The following TDRD12 variants were observed in gnomAD, a reference collection of about 807,000 sequenced individuals.
TDRD12 encodes the protein putative ATP-dependent RNA helicase TDRD12.
A neutral mutation model predicts 133.5 loss-of-function variants in TDRD12; 158 were observed. The observed-to-expected ratio is 1.18, with a 90% CI of 1.04 to 1.35. The LOEUF (loss-of-function observed/expected upper bound fraction) is 1.35. Ranked by LOEUF, TDRD12 falls within the 40% of genes most tolerant of loss-of-function variation. The pLI is 0.00. For missense variants in TDRD12, 1,443 were observed against 1,321.3 expected (o/e 1.09, Z -1.43); for synonymous variants, 460 against 477.9 (o/e 0.96, Z 0.49).
Position 32,724,355 on chromosome 19 carries a change from G to GTT in TDRD12, c.24+4265_24+4266dup, listed in dbSNP as rs140313430. Among the ~76,000 whole-genome samples the GTT allele has an allele frequency of 6.9e-3, 1,042 of 152,108 alleles. 7 individuals carry two copies. Among genetic ancestry groups the GTT allele is most frequent in the South Asian group, 0.018 (89 of 4,812 alleles). ...TAGTTATTAAGCCCCGCATGTATTA[G>GTT]TTTTTTTATCCTGATACTCTCCCTC... On this transcript the variant is annotated intron_variant, in intron 1 of 27. Transcript: ENST00000444215.
intron 11 of TDRD12, among the ~76,000 whole-genome samples, chr19:32,781,803 A>G (rs571926516): frequency 6.6e-6 from 1 of 151,414 alleles, no homozygotes; most frequent in East Asian, 1.9e-4. Context: ...CTTGTCATTC[A>G]GTGGACACTT....
intron 6 of TDRD12, among the ~76,000 whole-genome samples, chr19:32,754,390 GC>G (rs1969927538): frequency 6.6e-6 from 1 of 152,074 alleles, no homozygotes. Flanking sequence ...GATCACTTGT[GC>G]CTGGGAGGCA....
chr19:32,731,375 C>T lies in TDRD12; in HGVS notation c.25-350C>T, dbSNP rs139545237. On this transcript the variant is annotated intron_variant, in intron 1 of 27. Coordinates refer to ENST00000444215, the Ensembl canonical transcript of TDRD12. ...TTTGAGACTAGCCTGGGCAAAATAG[C>T]GAGACACCATCTCTATTTTTTTTTT... is the stretch of plus-strand genomic sequence containing the variant. Among the ~76,000 whole-genome samples the T allele has an allele frequency of 1.4e-4, 21 of 151,870 alleles. 1 individual carries two copies. In the East Asian group the frequency reaches 2.7e-3, roughly 20 times the overall value.
intron 25 of TDRD12, among the ~76,000 whole-genome samples, chr19:32,814,860 A>G (rs1004309767): frequency 2.0e-5 from 3 of 152,166 alleles, no homozygotes; most frequent in African/African-American, 7.2e-5. Flanking sequence ...CAGCCAGGGC[A>G]GGCCTGGAGC....
intron 27 of TDRD12, among the ~76,000 whole-genome samples, chr19:32,820,185 C>G (rs1242560936): frequency 6.6e-6 from 1 of 152,108 alleles, no homozygotes; most frequent in African/African-American, 2.4e-5. Context: ...CTTCTGGGCC[C>G]CTCAGAAGAC....
rs755652043 is a variant in TDRD12, at chr19:32,737,227, A to G, written c.184-1629A>G. Among the ~76,000 whole-genome samples, 153 of 152,286 alleles carry G rather than the reference A, an allele frequency of 1.0e-3. 3 individuals are homozygous for G. The highest frequency in any genetic ancestry group is 1.0e-4 in the Non-Finnish European group (7 of 68,024). On this transcript the variant is annotated intron_variant, in intron 2 of 27. Coordinates refer to ENST00000444215, the Ensembl canonical transcript of TDRD12. ...AGGCAGTTTATTGATTGATTGAGAC[A>G]AACTCTCATTCTGTCGCCCAGGCTG...
exon 24 of TDRD12, chr19:32,811,309 G>T: frequency 6.5e-7 from 1 of 1,536,056 alleles, no homozygotes; most frequent in Non-Finnish European, 8.7e-7. Context: ...TCGTCACAAG[G>T]GACCAGCTGC....
At chr19:32,786,651 T>G (rs999960827) in intron 11 of TDRD12, among the ~76,000 whole-genome samples, 1 of 152,200 alleles carries the variant, frequency 6.6e-6, no homozygotes, top group Admixed American at 6.5e-5. Flanking sequence ...TAATCTTGTC[T>G]TATCACTTTA....
chr19:32,773,987 G>A (rs1306789803), intron 10 of TDRD12, among the ~76,000 whole-genome samples: 3 of 152,222 alleles, frequency 2.0e-5, no homozygotes, highest in Non-Finnish European at 2.9e-5. Flanking sequence ...GTCCTGATGA[G>A]AGGGATGGCC....
intron 3 of TDRD12, 63 bp downstream of exon 3, chr19:32,739,055 A>G (rs1969312104): frequency 2.0e-6 from 3 of 1,536,112 alleles, no homozygotes; most frequent in Non-Finnish European, 2.6e-6. Flanking sequence ...TCAAAGGAGA[A>G]CGTCCATTTT....
chr19:32,825,459 A>G (rs756090360), downstream of TDRD12, among the ~76,000 whole-genome samples: 10 of 152,346 alleles, frequency 6.6e-5, 1 homozygote, highest in South Asian at 6.2e-4. This position sits in a 1 kb window ranked among gnomAD's most constrained non-coding sequence, Gnocchi z 4.1. Flanking sequence ...TGGCAGGTCA[A>G]ACAGCTCCAG....
chr19:32,827,372 CT>C (rs549327733), exon 10 of TDRD12: 1,467 of 122,196 alleles, frequency 0.012, no homozygotes, highest in Middle Eastern at 0.019. Flanking sequence ...CTTTTCTTTT[CT>C]TTTTTTTTTT....
chr19:32,757,016 T>G, intron 7 of TDRD12, 22 bp from the exon 8 acceptor site: 1 of 1,539,068 alleles, frequency 6.5e-7, no homozygotes, highest in Non-Finnish European at 8.8e-7. Context: ...GCTTTAATTC[T>G]GAAATTTATT....
At position 32,800,708 on chromosome 19, in the gene TDRD12, C is replaced by T. The variant is rs1227969026; in HGVS notation, c.2015C>T (p.Pro672Leu). The T allele has an allele frequency of 3.3e-6, 5 of 1,535,348 alleles. No homozygotes were observed. The East Asian group carries it at 1.2e-4, about 38-fold the overall frequency. The stretch of plus-strand genomic sequence containing the variant: ...TTACTCCAAGCTCTTGATTTTATTC[C>T]AAGTCAGGCACAAAAGACCTTGATC... The change falls in exon 18 of 28, where the codon CCA (proline) becomes CTA (leucine). Residue 672 changes from proline to leucine, a missense_variant. By Grantham distance (98) the Pro-to-Leu change is moderately conservative. Transcript: ENST00000444215.
chr19:32,818,391 G>T (rs1046122127), intron 27 of TDRD12, among the ~76,000 whole-genome samples: 6 of 152,232 alleles, frequency 3.9e-5, no homozygotes, highest in African/African-American at 9.6e-5. Context: ...ATGGGTTCTT[G>T]CTCCACAGAG....
chr19:32,722,600 A>C (rs1377760629), intron 1 of TDRD12, among the ~76,000 whole-genome samples: 2 of 152,260 alleles, frequency 1.3e-5, no homozygotes, highest in East Asian at 3.9e-4. Flanking sequence ...ATTTAGCCTT[A>C]AATATCTGAG....
At position 32,777,122 on chromosome 19, in the gene TDRD12, T is replaced by G. The variant is rs1450483176; in HGVS notation, c.1041-27T>G. On this transcript the variant is annotated intron_variant, in intron 10 of 27. Coordinates refer to ENST00000444215, the Ensembl canonical transcript of TDRD12. ...TGCCCAGGCTGCTGTTCACAAATTT[T>G]AATGAATTTTTTTTTTTCATTTCTA... 4.1e-6 allele frequency: 6 copies of G among 1,470,806 alleles called. No individual in the cohort carries two copies. In the East Asian group the frequency reaches 1.2e-4, roughly 30 times the overall value. 91.1% of individuals were successfully genotyped at this position (1,470,806 alleles called of 1,614,324 possible).
At chr19:32,806,612 G>C (rs1402385970) in intron 21 of TDRD12, among the ~76,000 whole-genome samples, 1 of 151,988 alleles carries the variant, frequency 6.6e-6, no homozygotes, top group Non-Finnish European at 1.5e-5. Flanking sequence ...ACAGTGCTGG[G>C]ATTACAGGCA....
At chr19:32,783,422 C>G (rs1445307041) in intron 11 of TDRD12, among the ~76,000 whole-genome samples, 1 of 151,990 alleles carries the variant, frequency 6.6e-6, no homozygotes, top group African/African-American at 2.4e-5. Context: ...TGTTCTTCTT[C>G]CCCAAGATTG....
Sources: gnomAD v4.1 joint callset for allele counts (sites outside exome capture counted in the v4.1 genomes callset) on GRCh38, gnomAD v4.1.1 for gene constraint, Gnocchi (gnomAD v3.1) non-coding constraint, MANE v1.5 for transcripts, NCBI Gene and HGNC (gene_info 2026-07-23, HGNC 2026-07-21) for gene names.